Variants in SKIC3 observed in about 807,000 individuals in gnomAD.
The protein encoded by SKIC3 is superkiller complex protein 3.
At chr5:95,463,920 A>C in the SKIC3 span, 1 of 152,336 alleles carries the variant, frequency 6.6e-6, no homozygotes, top group East Asian at 1.9e-4. Context: ...TATTTCAGAA[A>C]GTTCAAGTCT....
At chr5:95,525,538 A>G in the SKIC3 span, 1 of 1,613,694 alleles carries the variant, frequency 6.2e-7, no homozygotes, top group Admixed American at 1.7e-5. Flanking sequence ...ATAGCCAAAT[A>G]AAAATGCTTT....
chr5:95,519,410 AT>A, the SKIC3 span, among the ~76,000 whole-genome samples: 1 of 151,990 alleles, frequency 6.6e-6, no homozygotes, highest in Non-Finnish European at 1.5e-5. Flanking sequence ...GCCAAAAATA[AT>A]TTTCCAATGT....
the SKIC3 span, among the ~76,000 whole-genome samples, chr5:95,553,570 T>G: frequency 1.3e-5 from 2 of 152,140 alleles, no homozygotes; most frequent in Admixed American, 1.3e-4. Flanking sequence ...TGTTTTTGTT[T>G]TTTTTTTGAG....
At chr5:95,482,518 T>C in the SKIC3 span, 3 of 1,614,054 alleles carry the variant, frequency 1.9e-6, no homozygotes, top group South Asian at 1.1e-5. Context: ...CTGTTTTTTG[T>C]AGTTCTTCAA....
chr5:95,468,483 C>T, the SKIC3 span, among the ~76,000 whole-genome samples: 1 of 152,132 alleles, frequency 6.6e-6, no homozygotes, highest in African/African-American at 2.4e-5. Context: ...CATATGTTTT[C>T]AAGGACGTGT....
chr5:95,501,605 T>A, the SKIC3 span, among the ~76,000 whole-genome samples: 131 of 149,566 alleles, frequency 8.8e-4, no homozygotes, highest in East Asian at 0.023. Context: ...GAAAGAAACA[T>A]AAAAAACAAA....
the SKIC3 span, chr5:95,469,986 T>TTC: frequency 1.3e-6 from 2 of 1,543,304 alleles, no homozygotes; most frequent in African/African-American, 2.8e-5. Context: ...CAATTCTTTT[T>TTC]TTTTTTTTGA....
chr5:95,503,790 T>A, the SKIC3 span: 1 of 1,612,994 alleles, frequency 6.2e-7, no homozygotes. Context: ...AAATGTGTCC[T>A]TAGCTTCAGA....
At chr5:95,486,460 C>A in the SKIC3 span, among the ~76,000 whole-genome samples, 1 of 152,314 alleles carries the variant, frequency 6.6e-6, no homozygotes, top group East Asian at 1.9e-4. Flanking sequence ...CCCCACCCTA[C>A]CTAGTAGCAG....
the SKIC3 span, among the ~76,000 whole-genome samples, chr5:95,537,426 T>G: frequency 6.6e-6 from 1 of 152,210 alleles, no homozygotes; most frequent in African/African-American, 2.4e-5. Flanking sequence ...TACAAAGTAG[T>G]CAACCAGAGT....
chr5:95,518,680 A>G, the SKIC3 span, among the ~76,000 whole-genome samples: 1 of 152,022 alleles, frequency 6.6e-6, no homozygotes, highest in Non-Finnish European at 1.5e-5. Flanking sequence ...ATTGCATATA[A>G]ATACCACATT....
At chr5:95,544,625 T>G in the SKIC3 span, among the ~76,000 whole-genome samples, 1 of 152,206 alleles carries the variant, frequency 6.6e-6, no homozygotes, top group Non-Finnish European at 1.5e-5. Context: ...AGTTAAGCTC[T>G]AAACACTGGG....
the SKIC3 span, among the ~76,000 whole-genome samples, chr5:95,526,118 C>T: frequency 6.6e-6 from 1 of 152,118 alleles, no homozygotes; most frequent in Non-Finnish European, 1.5e-5. Context: ...AAACAACATC[C>T]TTAACACTAT....
At chr5:95,500,879 C>T in the SKIC3 span, among the ~76,000 whole-genome samples, 10 of 152,212 alleles carry the variant, frequency 6.6e-5, no homozygotes, top group Middle Eastern at 3.4e-3. Context: ...TCTACCATTA[C>T]GTCTTTGGAC....
At chr5:95,540,309 T>C in the SKIC3 span, among the ~76,000 whole-genome samples, 2 of 152,030 alleles carry the variant, frequency 1.3e-5, no homozygotes, top group African/African-American at 4.8e-5. Flanking sequence ...CTTCGGGGAC[T>C]TGGGGGAAGG....
At chr5:95,511,186 G>A in the SKIC3 span, among the ~76,000 whole-genome samples, 1 of 152,182 alleles carries the variant, frequency 6.6e-6, no homozygotes, top group Admixed American at 6.5e-5. Flanking sequence ...CGAGGCGGGT[G>A]GATCACCAGG....
the SKIC3 span, chr5:95,516,356 A>G: frequency 6.2e-7 from 1 of 1,613,004 alleles, no homozygotes; most frequent in Non-Finnish European, 8.5e-7. Flanking sequence ...TATTTACCTC[A>G]ATGTTTTCAT....
At chr5:95,468,302 CAG>C in the SKIC3 span, among the ~76,000 whole-genome samples, 1 of 152,050 alleles carries the variant, frequency 6.6e-6, no homozygotes, top group Non-Finnish European at 1.5e-5. Context: ...CCAAAGAGAA[CAG>C]AGAGACAGTC....
the SKIC3 span, among the ~76,000 whole-genome samples, chr5:95,508,886 A>G: frequency 6.6e-6 from 1 of 152,204 alleles, no homozygotes; most frequent in African/African-American, 2.4e-5. Flanking sequence ...AACACATCAC[A>G]ATGTTCTCAT....
Sources: gnomAD v4.1 joint callset for allele counts (sites outside exome capture counted in the v4.1 genomes callset) on GRCh38, gnomAD v4.1.1 for gene constraint, MANE v1.5 for transcripts, NCBI Gene and HGNC (gene_info 2026-07-23, HGNC 2026-07-21) for gene names.